The following MGRN1 variants were observed in gnomAD, a reference collection of about 807,000 sequenced individuals.
The protein encoded by MGRN1 is mahogunin ring finger 1, also known as E3 ubiquitin-protein ligase MGRN1.
A neutral mutation model predicts 69.2 loss-of-function variants in MGRN1; 29 were observed. The observed-to-expected ratio is 0.42, with a 90% CI of 0.31 to 0.57. MGRN1 has a LOEUF of 0.57. Among genes scored for constraint, MGRN1 ranks in the 20% least tolerant of loss-of-function variants. The pLI is 0.15. For missense variants in MGRN1, 998 were observed against 796.2 expected (o/e 1.25, Z -3.05); for synonymous variants, 470 against 344.2 (o/e 1.37, Z -4.04).
At chr16:4,677,329 C>T (rs1446217370) in intron 10 of MGRN1, 134 bp from the exon 11 acceptor site, 9 of 479,338 alleles carry the variant, frequency 1.9e-5, no homozygotes, top group African/African-American at 6.1e-5. Context: ...AAAAAAAAGA[C>T]CGTTGTGATC....
At chr16:4,644,529 C>G (rs2078234799) in intron 1 of MGRN1, among the ~76,000 whole-genome samples, 1 of 150,328 alleles carries the variant, frequency 6.7e-6, no homozygotes, top group African/African-American at 2.5e-5. Context: ...AGGCTGGTCT[C>G]CAACTCCTGA....
At chr16:4,664,602 G>C in intron 5 of MGRN1, 107 bp from the exon 6 acceptor site, 1 of 1,175,410 alleles carries the variant, frequency 8.5e-7, no homozygotes, top group Non-Finnish European at 1.3e-6. Context: ...GAGCTCTGCT[G>C]CTGCCTCCTG....
intron 1 of MGRN1, among the ~76,000 whole-genome samples, chr16:4,629,281 T>C (rs1241741112): frequency 6.6e-6 from 1 of 152,182 alleles, no homozygotes; most frequent in Non-Finnish European, 1.5e-5. Context: ...TTATGTGTTC[T>C]GGATAGGATT....
Position 4,681,537 on chromosome 16 carries a change from C to G in MGRN1, c.1132-13C>G, listed in dbSNP as rs777073698. 1 of 1,607,070 alleles carries G rather than the reference C, an allele frequency of 6.2e-7. No homozygotes were observed. The highest frequency in any genetic ancestry group is 2.2e-5 in the East Asian group (1 of 44,716). On this transcript the variant is annotated splice_polypyrimidine_tract_variant and intron_variant, in intron 12 of 16. Coordinates refer to ENST00000262370, the MANE Select transcript of MGRN1 (RefSeq NM_015246.4). ...CCTGGGCATGAGCCCCCTCACGCAC[C>G]CTGTCCCTACAGAACTCTGACAGCG... is the stretch of plus-strand genomic sequence containing the variant.
chr16:4,654,074 G>A (rs994246805), intron 4 of MGRN1, among the ~76,000 whole-genome samples: 2 of 152,210 alleles, frequency 1.3e-5, no homozygotes, highest in African/African-American at 4.8e-5. Context: ...GTTTTTGTTT[G>A]TTTTTCCTCG....
Position 4,683,232 on chromosome 16 carries a change from A to G in MGRN1, c.1491A>G (p.Ile497Met). 2.5e-6 allele frequency: 4 copies of G among 1,613,824 alleles called. No homozygotes were observed. The highest frequency in any genetic ancestry group is 3.4e-6 in the Non-Finnish European group (4 of 1,179,976). The change falls in exon 15 of 17, where the codon ATA becomes ATG. Residue 497 changes from isoleucine to methionine, a missense_variant. Physicochemically the swap from Ile to Met is conservative, Grantham distance 10 (BLOSUM62 1). Coordinates refer to ENST00000262370, the MANE Select transcript of MGRN1 (RefSeq NM_015246.4). ...LRESSSPESF[I>M]TEEVDESSSP... ...TCCCCTTTGTTTCCTAGAGTTTCAT[A>G]ACAGAAGAGGTTGATGAGTCGTCGT...
chr16:4,650,928 G>GA (rs1368901485), intron 2 of MGRN1: 2 of 152,678 alleles, frequency 1.3e-5, no homozygotes, highest in Non-Finnish European at 2.9e-5. Flanking sequence ...CCAAAATGGT[G>GA]AAACCCCGTC....
chr16:4,630,411 A>G (rs1486388305), intron 1 of MGRN1, among the ~76,000 whole-genome samples: 2 of 151,636 alleles, frequency 1.3e-5, no homozygotes, highest in African/African-American at 4.9e-5. Flanking sequence ...AAGGTCACAA[A>G]GATTTTCTCC....
intron 1 of MGRN1, among the ~76,000 whole-genome samples, chr16:4,641,992 G>A (rs2078169659): frequency 6.6e-6 from 1 of 152,062 alleles, no homozygotes; most frequent in African/African-American, 2.4e-5. Context: ...CTTCCCAGTT[G>A]GTCTCGTCTC....
intron 5 of MGRN1, among the ~76,000 whole-genome samples, chr16:4,662,497 C>T (rs570684616): frequency 1.3e-5 from 2 of 149,926 alleles, no homozygotes; most frequent in South Asian, 4.2e-4. Flanking sequence ...TCCTGGGTAA[C>T]AGATCAAGAC....
chr16:4,662,470 C>T (rs1397495457), intron 5 of MGRN1, among the ~76,000 whole-genome samples: 1 of 151,740 alleles, frequency 6.6e-6, no homozygotes, highest in Middle Eastern at 3.2e-3. Context: ...GAGCCGACAT[C>T]CTGCCACTGC....
At chr16:4,686,942 G>T in intron 16 of MGRN1, 1 of 985,506 alleles carries the variant, frequency 1.0e-6, no homozygotes, top group Non-Finnish European at 1.2e-6. Flanking sequence ...TCCTCGAGGG[G>T]CCCTCTGGTG....
At chr16:4,630,367 A>C (rs1897937933) in intron 1 of MGRN1, among the ~76,000 whole-genome samples, 1 of 151,686 alleles carries the variant, frequency 6.6e-6, no homozygotes, top group South Asian at 2.1e-4. Context: ...AAAAAAAAAA[A>C]CAAATAGAAA....
intron 1 of MGRN1, among the ~76,000 whole-genome samples, chr16:4,645,694 A>T (rs1029021196): frequency 2.2e-4 from 34 of 152,128 alleles, no homozygotes; most frequent in African/African-American, 8.2e-4. Context: ...TCCAGGGAAG[A>T]GCTGGATGAG....
In MGRN1 at chr16:4,690,166, C is replaced by A. The variant is rs541794989; in HGVS notation, c.*1258C>A. ...GCAGCACACCTGGGGAATGGGGTCCCGGCCGGGAGGCTTGGCCTCTGGGCG... is the reference window on the plus strand; with the variant it reads ...GCAGCACACCTGGGGAATGGGGTCCAGGCCGGGAGGCTTGGCCTCTGGGCG... On this transcript the variant is annotated 3_prime_UTR_variant, in exon 17 of 17. Transcript: ENST00000262370. 3 of 152,352 alleles carry A rather than the reference C, an allele frequency of 2.0e-5. No individual in the cohort carries two copies. Among genetic ancestry groups the A allele is most frequent in the African/African-American group, 7.2e-5 (3 of 41,438 alleles). 9.4% of individuals were successfully genotyped at this position (152,352 alleles called of 1,614,324 possible).
chr16:4,652,897 T>C, intron 4 of MGRN1, 73 bp downstream of exon 4: 1 of 1,468,674 alleles, frequency 6.8e-7, no homozygotes, highest in African/African-American at 1.4e-5. Context: ...CTGTCCACCT[T>C]ACTAACCAGA....
rs539120656 is a variant in MGRN1 at position 4,677,522 on chromosome 16, G to C, written c.1015G>C (p.Val339Leu). The change falls in exon 11 of 17, where the codon GTG becomes CTG. Residue 339 changes from valine (V) to leucine (L), a missense_variant. Val to Leu is a conservative substitution (Grantham distance 32). Coordinates refer to ENST00000262370, the MANE Select transcript of MGRN1 (RefSeq NM_015246.4). ...GAAGAAGCCAGGAGCCCTGTCCCCC[G>C]TGTCCTTCAGCCCCGTCCTGGCCCA... is the stretch of plus-strand genomic sequence containing the variant. ...VRKKPGALSP[V>L]SFSPVLAQSL... The C allele has an allele frequency of 6.3e-7, 1 of 1,597,460 alleles. No individual in the cohort carries two copies. The highest frequency in any genetic ancestry group is 1.3e-5 in the African/African-American group (1 of 74,612).
chr16:4,668,329 A>C lies in MGRN1; in HGVS notation c.726+17A>C. The C allele has an allele frequency of 6.2e-7, 1 of 1,613,242 alleles. No individual in the cohort carries two copies. Among genetic ancestry groups the C allele is most frequent in the Non-Finnish European group, 8.5e-7 (1 of 1,179,422 alleles). ...AAGCAAATTGTAAGTCATCAGAGGA[A>C]ATATGACGTGCTTGAATTAAAAGAC... On this transcript the variant is annotated intron_variant, in intron 8 of 16. Coordinates refer to ENST00000262370, the MANE Select transcript of MGRN1 (RefSeq NM_015246.4).
chr16:4,686,172 C>T, intron 16 of MGRN1: 1 of 1,480,640 alleles, frequency 6.8e-7, no homozygotes, highest in Non-Finnish European at 9.1e-7. Flanking sequence ...CGACCGTGTC[C>T]CCAAGCTGGT....
Sources: allele counts gnomAD v4.1 joint callset (sites outside exome capture counted in the v4.1 genomes callset), GRCh38; gene constraint gnomAD v4.1.1; transcripts MANE v1.5; gene names NCBI Gene and HGNC (gene_info 2026-07-23, HGNC 2026-07-21).